The following PAN3 variants were observed in gnomAD, a reference collection of about 807,000 sequenced individuals.
PAN3 encodes poly(A) specific ribonuclease subunit PAN3, also known as PAN2-PAN3 deadenylation complex subunit PAN3.
In PAN3, 19 loss-of-function variants were observed where a neutral mutation model predicts 96.2. That is an observed-to-expected ratio of 0.20 (90% confidence interval 0.14 to 0.29). PAN3 has a LOEUF of 0.29. PAN3 is among the 10% of genes least tolerant of loss of function. PAN3 has a pLI of 1.00. For synonymous variants in PAN3, 433 were observed against 406.6 expected (o/e 1.06, Z -0.78); for missense variants, 882 against 1,108.1 (o/e 0.80, Z 2.90).
At chr13:28,172,055 G>C (rs1307856906) in intron 1 of PAN3, among the ~76,000 whole-genome samples, 2 of 152,200 alleles carry the variant, frequency 1.3e-5, no homozygotes, top group African/African-American at 2.4e-5. Context: ...GATGCTCCTA[G>C]TGCCTATCAC....
intron 17 of PAN3, among the ~76,000 whole-genome samples, chr13:28,281,786 T>C (rs1024390568): frequency 3.6e-4 from 31 of 85,382 alleles, no homozygotes; most frequent in South Asian, 3.0e-3. Flanking sequence ...TTTTTTTTTT[T>C]CTTGAGACGG....
intron 4 of PAN3, among the ~76,000 whole-genome samples, chr13:28,190,426 G>A (rs1412897019): frequency 5.3e-5 from 8 of 151,694 alleles, no homozygotes; most frequent in African/African-American, 1.5e-4. Context: ...ATTTTTTGGC[G>A]GGGGTGGGGG....
chr13:28,249,786 C>T (rs1884549755), intron 6 of PAN3, among the ~76,000 whole-genome samples: 2 of 152,072 alleles, frequency 1.3e-5, no homozygotes, highest in African/African-American at 2.4e-5. Flanking sequence ...CTTCCTGTCC[C>T]CCTTCAGTGT....
intron 1 of PAN3, among the ~76,000 whole-genome samples, chr13:28,147,658 T>C (rs1440987900): frequency 6.6e-6 from 1 of 152,224 alleles, no homozygotes; most frequent in Non-Finnish European, 1.5e-5. Context: ...CATAGTATGA[T>C]ACCACGAATC....
intron 8 of PAN3, among the ~76,000 whole-genome samples, 160 bp from the exon 9 acceptor site, chr13:28,261,241 A>G (rs1291239505): frequency 6.6e-6 from 1 of 152,330 alleles, no homozygotes; most frequent in African/African-American, 2.4e-5. Flanking sequence ...TGGAGTTCAG[A>G]CATTTTACCA....
At chr13:28,245,455 T>G (rs1441080119) in intron 6 of PAN3, among the ~76,000 whole-genome samples, 1 of 152,030 alleles carries the variant, frequency 6.6e-6, no homozygotes, top group African/African-American at 2.4e-5. Context: ...ATTGATAGTC[T>G]TCTTGATCCC....
intron 12 of PAN3, 52 bp downstream of exon 12, chr13:28,267,453 G>C (rs763646693): frequency 7.1e-7 from 1 of 1,400,518 alleles, no homozygotes; most frequent in African/African-American, 1.4e-5. Context: ...TTTGCTCTGT[G>C]GAAGAGTAGT....
At chr13:28,193,756 A>AAC (rs60905725) in intron 4 of PAN3, among the ~76,000 whole-genome samples, 4,787 of 146,522 alleles carry the variant, frequency 0.033, 272 homozygotes, top group African/African-American at 0.11. Flanking sequence ...AAAAAAAAAA[A>AAC]CCCAAGAAAC....
At chr13:28,217,415 C>T (rs913925980) in intron 5 of PAN3, among the ~76,000 whole-genome samples, 2 of 151,980 alleles carry the variant, frequency 1.3e-5, no homozygotes, top group African/African-American at 4.8e-5. Flanking sequence ...AACATTGCCT[C>T]TACCAAAAAT....
At chr13:28,228,971 A>G (rs1023519798) in intron 6 of PAN3, among the ~76,000 whole-genome samples, 2 of 152,202 alleles carry the variant, frequency 1.3e-5, no homozygotes, top group Non-Finnish European at 2.9e-5. Flanking sequence ...TGCTCTTCAC[A>G]TAGCTTATAA....
chr13:28,212,013 G>C (rs1037599497), intron 5 of PAN3, among the ~76,000 whole-genome samples: 1 of 152,190 alleles, frequency 6.6e-6, no homozygotes, highest in Non-Finnish European at 1.5e-5. Flanking sequence ...CTGAAGAAGA[G>C]AGAGCTCACA....
chr13:28,138,564 C>T lies in PAN3; in HGVS notation c.-94C>T. 1 of 374,494 alleles carries T rather than the reference C, an allele frequency of 2.7e-6. No homozygotes were observed. The allele number at this position is 374,494 out of a possible 1,614,324, so 23.2% of individuals were successfully genotyped here. A position where few individuals can be genotyped will look rare whatever the true frequency, so the allele number is the denominator to read the frequency against. On this transcript the variant is annotated 5_prime_UTR_variant, in exon 1 of 19. Coordinates refer to ENST00000380958, the MANE Select transcript of PAN3 (RefSeq NM_175854.8). The stretch of plus-strand genomic sequence containing the variant: ...AGACCCACCCGCCCAGGCTTTTATC[C>T]GGCACCGGCAGCGTCTTCCTTTCCT...
At chr13:28,186,444 A>G (rs1876480060) in intron 4 of PAN3, among the ~76,000 whole-genome samples, 1 of 152,228 alleles carries the variant, frequency 6.6e-6, no homozygotes, top group African/African-American at 2.4e-5. Context: ...ATGTCCCAGA[A>G]TTATGTGAAT....
intron 1 of PAN3, among the ~76,000 whole-genome samples, chr13:28,163,258 C>A (rs1873111378): frequency 6.6e-6 from 1 of 151,888 alleles, no homozygotes; most frequent in Non-Finnish European, 1.5e-5. Flanking sequence ...ACAGAAATAC[C>A]TGAAAATGTA....
chr13:28,179,842 A>G (rs908828767), intron 4 of PAN3, among the ~76,000 whole-genome samples: 1 of 152,174 alleles, frequency 6.6e-6, no homozygotes, highest in Non-Finnish European at 1.5e-5. Context: ...GTGGAAATAT[A>G]TGATTTAGAG....
At chr13:28,235,228 A>C (rs1262570973) in intron 6 of PAN3, among the ~76,000 whole-genome samples, 1 of 152,104 alleles carries the variant, frequency 6.6e-6, no homozygotes. Context: ...TCCCTGCTAA[A>C]GTGTCACTTA....
chr13:28,213,906 A>G (rs77238301), intron 5 of PAN3, among the ~76,000 whole-genome samples: 21,580 of 152,140 alleles, frequency 0.14, 1,848 homozygotes, highest in East Asian at 0.33. Context: ...TAGAATGTCT[A>G]AAATGAAAAA....
intron 4 of PAN3, among the ~76,000 whole-genome samples, chr13:28,192,761 C>T (rs1877457048): frequency 6.6e-6 from 1 of 152,262 alleles, no homozygotes; most frequent in South Asian, 2.1e-4. Context: ...AGTAGATTCT[C>T]AGATGTTTAG....
At chr13:28,289,417 A>G (rs1372337381) in intron 18 of PAN3, among the ~76,000 whole-genome samples, 1 of 152,112 alleles carries the variant, frequency 6.6e-6, no homozygotes, top group East Asian at 1.9e-4. Flanking sequence ...AGCTGGGACC[A>G]CAGGCACACG....
Sources: gnomAD v4.1 joint callset for allele counts (sites outside exome capture counted in the v4.1 genomes callset) on GRCh38, gnomAD v4.1.1 for gene constraint, MANE v1.5 for transcripts, NCBI Gene and HGNC (gene_info 2026-07-23, HGNC 2026-07-21) for gene names.